The following FKTN variants were observed in gnomAD, a reference collection of about 807,000 sequenced individuals.
FKTN encodes the protein fukutin, also known as ribitol-5-phosphate transferase FKTN.
In FKTN, 47 loss-of-function variants were observed where a neutral mutation model predicts 58.6. The observed-to-expected ratio is 0.80, with a 90% CI of 0.63 to 1.02. The LOEUF (loss-of-function observed/expected upper bound fraction) is 1.02. Among genes scored for constraint, FKTN ranks in the 50% least tolerant of loss-of-function variants. FKTN has a pLI of 0.00. For missense variants in FKTN, 516 were observed against 537.3 expected (o/e 0.96, Z 0.39); for synonymous variants, 178 against 191.9 (o/e 0.93, Z 0.60).
chr9:105,578,748 C>T (rs1842269731), intron 3 of FKTN, among the ~76,000 whole-genome samples: 2 of 150,710 alleles, frequency 1.3e-5, no homozygotes, highest in South Asian at 4.2e-4. Flanking sequence ...AGGAATGGTA[C>T]CAGCTCCTCC....
chr9:105,600,306 A>G (rs984144298), intron 4 of FKTN, among the ~76,000 whole-genome samples: 17 of 152,212 alleles, frequency 1.1e-4, no homozygotes, highest in African/African-American at 3.1e-4. Context: ...GAGTTCCTTC[A>G]GATTTTCTGA....
chr9:105,596,070 C>T (rs1183552148), intron 3 of FKTN, among the ~76,000 whole-genome samples: 1 of 152,110 alleles, frequency 6.6e-6, no homozygotes, highest in African/African-American at 2.4e-5. Flanking sequence ...TTAGGCAAAG[C>T]GTGCATACTG....
chr9:105,617,910 A>C (rs1279628935), intron 8 of FKTN, 49 bp from the exon 9 acceptor site: 1 of 1,250,876 alleles, frequency 8.0e-7, no homozygotes, highest in African/African-American at 1.5e-5. Flanking sequence ...ATAATAACTA[A>C]TTTTTTCCAA....
intron 3 of FKTN, among the ~76,000 whole-genome samples, chr9:105,593,227 G>T (rs906341400): frequency 1.3e-5 from 2 of 152,174 alleles, no homozygotes; most frequent in African/African-American, 4.8e-5. Context: ...GGAGCAGGAA[G>T]AAGAGAGAGA....
At chr9:105,580,824 C>CT (rs1430015892) in intron 3 of FKTN, among the ~76,000 whole-genome samples, 1 of 38,474 alleles carries the variant, frequency 2.6e-5, no homozygotes, top group Non-Finnish European at 4.5e-5. Context: ...TAGATTTGGT[C>CT]TTTTCACATA....
Position 105,638,220 on chromosome 9 carries a change from T to G in FKTN, c.*2956T>G. ...CATCACAACACAGTATCTTTAACAG[T>G]GCTTGAGATGCTTAACAGAGAAGGC... On this transcript the variant is annotated 3_prime_UTR_variant, in exon 11 of 11. Coordinates refer to ENST00000357998, the MANE Select transcript of FKTN (RefSeq NM_001079802.2). 1 of 985,420 alleles carries G rather than the reference T, an allele frequency of 1.0e-6. No homozygotes were observed. Among genetic ancestry groups the G allele is most frequent in the Non-Finnish European group, 1.2e-6 (1 of 829,924 alleles). 61.0% of individuals were successfully genotyped at this position (985,420 alleles called of 1,614,324 possible).
At chr9:105,599,194 T>A (rs1219349122) in intron 4 of FKTN, among the ~76,000 whole-genome samples, 1 of 152,212 alleles carries the variant, frequency 6.6e-6, no homozygotes, top group Non-Finnish European at 1.5e-5. Context: ...AAATCATGAA[T>A]AGATACTGAA....
rs184672388 is a variant in FKTN, at chr9:105,606,828, G to T, written c.648-991G>T. ...CTTCTATATTTTTTGTGTATGAAAA[G>T]TCGGAACTTTTCTGAACCAAGCCAT... On this transcript the variant is annotated intron_variant, in intron 6 of 10. Transcript: ENST00000357998. Among the ~76,000 whole-genome samples the T allele has an allele frequency of 3.2e-4, 49 of 151,630 alleles. No homozygotes were observed. The East Asian group carries it at 9.5e-3, about 29-fold the overall frequency.
At chr9:105,632,162 G>A (rs1188212639) in intron 10 of FKTN, among the ~76,000 whole-genome samples, 22 of 151,784 alleles carry the variant, frequency 1.4e-4, no homozygotes, top group South Asian at 6.3e-4. Context: ...GTAAACTATC[G>A]CAAGAACAAA....
At position 105,617,973 on chromosome 9, in the gene FKTN, T is replaced by G. The variant is rs768660101; in HGVS notation, c.925T>G (p.Cys309Gly). 3 of 1,588,944 alleles carry G rather than the reference T, an allele frequency of 1.9e-6. No homozygotes were observed. The highest frequency in any genetic ancestry group is 2.6e-6 in the Non-Finnish European group (3 of 1,157,796). ...CTTCTTTTTAGGATGGTATCGACAA[T>G]GCAACATTATTCCTTATAGCAAAGA... ...SGTCLGWYRQ[C>G]NIIPYSKDVD... is the part of the protein sequence containing the mutation. Residue 309 changes from cysteine (C) to glycine (G), a missense_variant, in exon 9 of 11, where the codon TGC becomes GGC. Coordinates refer to ENST00000357998, the MANE Select transcript of FKTN (RefSeq NM_001079802.2).
In FKTN at chr9:105,593,561, G is replaced by A. The variant is rs531197742; in HGVS notation, c.106-3037G>A. 3.9e-5 allele frequency among the ~76,000 whole-genome samples: 6 copies of A among 152,252 alleles called. 1 individual carries two copies. The South Asian group carries it at 1.2e-3, about 32-fold the overall frequency. ...TGTAAGCATATAGATGGTGTCTAAAGCCATATGACTAGATGAGATACTAAG... is the reference window on the plus strand; with the variant it reads ...TGTAAGCATATAGATGGTGTCTAAAACCATATGACTAGATGAGATACTAAG... On this transcript the variant is annotated intron_variant, in intron 3 of 10. Coordinates refer to ENST00000357998, the MANE Select transcript of FKTN (RefSeq NM_001079802.2).
At chr9:105,598,850 T>A (rs928876673) in intron 4 of FKTN, 1 of 152,130 alleles carries the variant, frequency 6.6e-6, no homozygotes, top group Non-Finnish European at 1.5e-5. Flanking sequence ...ATGTAGTAGT[T>A]CTGTTATCTC....
At chr9:105,585,421 A>T (rs1785234483) in intron 3 of FKTN, among the ~76,000 whole-genome samples, 4 of 152,200 alleles carry the variant, frequency 2.6e-5, no homozygotes, top group Admixed American at 2.6e-4. Context: ...CCTGTCTCAA[A>T]AAATAAATAA....
At chr9:105,562,235 C>G (rs962377523) in intron 1 of FKTN, among the ~76,000 whole-genome samples, 2 of 152,194 alleles carry the variant, frequency 1.3e-5, no homozygotes, top group Non-Finnish European at 1.5e-5. Context: ...AGTTATTACT[C>G]AAATCAGTCT....
intron 4 of FKTN, 62 bp downstream of exon 4, chr9:105,596,719 C>T (rs768211054): frequency 4.2e-5 from 50 of 1,181,566 alleles, no homozygotes; most frequent in Non-Finnish European, 5.7e-5. Flanking sequence ...TCATTTACTC[C>T]GTAAGTATTT....
intron 1 of FKTN, among the ~76,000 whole-genome samples, chr9:105,559,481 G>A (rs1475412227): frequency 6.6e-6 from 1 of 152,002 alleles, no homozygotes; most frequent in Non-Finnish European, 1.5e-5. Flanking sequence ...CAAGGAGTTC[G>A]AAACCAGCCT....
intron 3 of FKTN, among the ~76,000 whole-genome samples, chr9:105,592,875 G>C (rs746015163): frequency 3.3e-5 from 5 of 152,144 alleles, no homozygotes; most frequent in African/African-American, 4.8e-5. Flanking sequence ...CATTCAACAA[G>C]TCTCTAGGAA....
intron 4 of FKTN, among the ~76,000 whole-genome samples, chr9:105,599,554 A>G (rs550554387): frequency 1.4e-5 from 2 of 145,928 alleles, no homozygotes; most frequent in East Asian, 2.0e-4. Flanking sequence ...GCTCACTGCA[A>G]CCTCCACCTT....
chr9:105,616,618 A>T (rs1414273689), intron 8 of FKTN, among the ~76,000 whole-genome samples: 1 of 152,168 alleles, frequency 6.6e-6, no homozygotes, highest in Admixed American at 6.5e-5. Context: ...GATTATCATG[A>T]TAGTTAATTA....
Sources: allele counts gnomAD v4.1 joint callset (sites outside exome capture counted in the v4.1 genomes callset), GRCh38; gene constraint gnomAD v4.1.1; transcripts MANE v1.5; gene names NCBI Gene and HGNC (gene_info 2026-07-23, HGNC 2026-07-21).